Variants in SPMIP2 observed in about 807,000 individuals in gnomAD.
SPMIP2 encodes the protein sperm microtubule inner protein 2, also known as protein SPMIP2.
chr4:159,050,454 C>T, the SPMIP2 span, among the ~76,000 whole-genome samples: 13 of 152,028 alleles, frequency 8.6e-5, no homozygotes, highest in Non-Finnish European at 1.5e-4. Flanking sequence ...CCAGTAACAG[C>T]CCAGACTCAG....
the SPMIP2 span, among the ~76,000 whole-genome samples, chr4:158,900,776 A>G: frequency 6.6e-6 from 1 of 151,634 alleles, no homozygotes; most frequent in East Asian, 1.9e-4. Flanking sequence ...ATGGGTCTTG[A>G]CTCTTTATCC....
the SPMIP2 span, among the ~76,000 whole-genome samples, chr4:158,993,214 T>A: frequency 2.5e-3 from 381 of 151,984 alleles, 1 homozygote; most frequent in African/African-American, 8.5e-3. Flanking sequence ...AAAATTTTTT[T>A]AATTAGCCAG....
chr4:158,987,384 A>G, the SPMIP2 span, among the ~76,000 whole-genome samples: 1 of 152,138 alleles, frequency 6.6e-6, no homozygotes, highest in African/African-American at 2.4e-5. Context: ...AACCAACCCA[A>G]ATGTCCAACA....
the SPMIP2 span, among the ~76,000 whole-genome samples, chr4:159,052,410 C>G: frequency 6.6e-6 from 1 of 151,988 alleles, no homozygotes; most frequent in Non-Finnish European, 1.5e-5. Flanking sequence ...AACCAACAAC[C>G]AACACAACCC....
chr4:159,073,185 A>T, the SPMIP2 span, among the ~76,000 whole-genome samples: 1 of 152,064 alleles, frequency 6.6e-6, no homozygotes, highest in Non-Finnish European at 1.5e-5. Flanking sequence ...ACAGGGTCTC[A>T]CTTTGTCACC....
chr4:158,915,429 TGA>T, the SPMIP2 span: 4 of 1,307,050 alleles, frequency 3.1e-6, no homozygotes, highest in Non-Finnish European at 3.2e-6. Context: ...TTCAGATAGT[TGA>T]GATTTGTCTG....
At chr4:159,003,564 G>T in the SPMIP2 span, among the ~76,000 whole-genome samples, 1 of 152,042 alleles carries the variant, frequency 6.6e-6, no homozygotes, top group South Asian at 2.1e-4. Context: ...GCTATTGTAG[G>T]CTGTACAGTA....
At chr4:159,033,644 G>T in the SPMIP2 span, among the ~76,000 whole-genome samples, 4 of 152,184 alleles carry the variant, frequency 2.6e-5, no homozygotes, top group African/African-American at 4.8e-5. Context: ...CAGATAAGCA[G>T]TGTACTCTTG....
the SPMIP2 span, among the ~76,000 whole-genome samples, chr4:158,955,279 G>T: frequency 1.3e-5 from 2 of 152,154 alleles, no homozygotes; most frequent in Non-Finnish European, 2.9e-5. Flanking sequence ...AGCAACCTAA[G>T]AGTAAGGACT....
the SPMIP2 span, among the ~76,000 whole-genome samples, chr4:159,011,292 T>C: frequency 6.6e-6 from 1 of 152,224 alleles, no homozygotes; most frequent in Non-Finnish European, 1.5e-5. Context: ...CCCCATTCTT[T>C]GATGTGTGCA....
chr4:159,056,906 A>G, the SPMIP2 span, among the ~76,000 whole-genome samples: 1 of 152,142 alleles, frequency 6.6e-6, no homozygotes, highest in South Asian at 2.1e-4. Flanking sequence ...TTCTCATGTA[A>G]TCTTCTAAAC....
At chr4:159,040,919 G>C in the SPMIP2 span, among the ~76,000 whole-genome samples, 1 of 152,180 alleles carries the variant, frequency 6.6e-6, no homozygotes, top group Non-Finnish European at 1.5e-5. Context: ...CTACCTATAA[G>C]TCAATTGGGA....
At chr4:158,963,690 T>G in the SPMIP2 span, among the ~76,000 whole-genome samples, 1 of 151,960 alleles carries the variant, frequency 6.6e-6, no homozygotes, top group South Asian at 2.1e-4. Flanking sequence ...TGTGAAGGGA[T>G]TTTGCAGATG....
chr4:158,910,221 G>A, the SPMIP2 span, among the ~76,000 whole-genome samples: 1 of 151,780 alleles, frequency 6.6e-6, no homozygotes, highest in South Asian at 2.1e-4. Flanking sequence ...CTAGGCGATA[G>A]TAATCAGATA....
chr4:158,924,725 T>C, the SPMIP2 span, among the ~76,000 whole-genome samples: 1 of 152,022 alleles, frequency 6.6e-6, no homozygotes, highest in South Asian at 2.1e-4. Context: ...GCCCAGGTTA[T>C]ACTTGAACTT....
At chr4:159,017,407 C>A in the SPMIP2 span, among the ~76,000 whole-genome samples, 1 of 150,922 alleles carries the variant, frequency 6.6e-6, no homozygotes, top group Non-Finnish European at 1.5e-5. Flanking sequence ...ACTTCTCAAG[C>A]CCCTGCAAAT....
chr4:159,055,249 T>C, the SPMIP2 span, among the ~76,000 whole-genome samples: 4 of 152,176 alleles, frequency 2.6e-5, no homozygotes, highest in Non-Finnish European at 2.9e-5. Flanking sequence ...TGGAGAGACA[T>C]AGGGTGCTCT....
the SPMIP2 span, among the ~76,000 whole-genome samples, chr4:158,978,498 T>C: frequency 6.6e-6 from 1 of 152,230 alleles, no homozygotes; most frequent in Non-Finnish European, 1.5e-5. Flanking sequence ...TTGATTTGTC[T>C]AATATTAACG....
At chr4:158,956,109 T>C in the SPMIP2 span, among the ~76,000 whole-genome samples, 5 of 152,252 alleles carry the variant, frequency 3.3e-5, no homozygotes, top group Non-Finnish European at 5.9e-5. Flanking sequence ...TAGCCTTCTA[T>C]AGGAATTGAC....
Sources: gnomAD v4.1 joint callset for allele counts (sites outside exome capture counted in the v4.1 genomes callset) on GRCh38, gnomAD v4.1.1 for gene constraint, MANE v1.5 for transcripts, NCBI Gene and HGNC (gene_info 2026-07-23, HGNC 2026-07-21) for gene names.